Variants in COPA observed in about 807,000 individuals in gnomAD.
The protein encoded by COPA is coat protein complex I subunit alpha, also known as coatomer subunit alpha.
A neutral mutation model predicts 158.7 loss-of-function variants in COPA; 10 were observed. That is an observed-to-expected ratio of 0.06 (90% confidence interval 0.04 to 0.11). The LOEUF (loss-of-function observed/expected upper bound fraction) is 0.11, where lower values mean the gene tolerates loss of function less well. Among genes scored for constraint, COPA ranks in the 10% least tolerant of loss-of-function variants. The probability of loss-of-function intolerance (pLI) is 1.00; values close to 1 mark genes in which losing one functional copy is unlikely to be tolerated. For missense variants in COPA, 1,065 were observed against 1,536.7 expected (o/e 0.69, Z 5.13); for synonymous variants, 462 against 542.8 (o/e 0.85, Z 2.07).
chr1:160,314,775 G>T (rs1659081010), intron 8 of COPA, among the ~76,000 whole-genome samples: 1 of 151,680 alleles, frequency 6.6e-6, no homozygotes, highest in South Asian at 2.1e-4. Flanking sequence ...TGCCATTTTA[G>T]AACAAATATG....
At chr1:160,293,286 T>G in intron 26 of COPA, 52 bp from the exon 27 acceptor site, 1 of 1,612,504 alleles carries the variant, frequency 6.2e-7, no homozygotes, top group Non-Finnish European at 8.5e-7. Flanking sequence ...CCCTTCTCTA[T>G]TCTCCTCTGT....
chr1:160,293,073 G>A, intron 27 of COPA, 93 bp downstream of exon 27: 4 of 1,239,126 alleles, frequency 3.2e-6, no homozygotes, highest in Non-Finnish European at 4.7e-6. Context: ...TTCCCCTTAT[G>A]GGTAGGATAA....
Position 160,291,947 on chromosome 1 carries a change from G to A in COPA, c.3148-18C>T. 1.2e-6 allele frequency: 2 copies of A among 1,614,174 alleles called. No homozygotes were observed. The highest frequency in any genetic ancestry group is 8.5e-7 in the Non-Finnish European group (1 of 1,180,034). On this transcript the variant is annotated intron_variant, in intron 29 of 32. Transcript: ENST00000241704. ...TGCTGGGCCTGTAGAGGGGGCAGAA[G>A]GTCAGGATACAGAGACAAGAATGTG... is the stretch of plus-strand genomic sequence containing the variant.
rs556759725 is a variant in COPA, at chr1:160,309,869, G to A, written c.1143+323C>T. Among the ~76,000 whole-genome samples the A allele has an allele frequency of 3.3e-5, 5 of 151,646 alleles. No homozygotes were observed. The South Asian group carries it at 1.0e-3, about 32-fold the overall frequency. ...GTTCTTCTATTTTCACCCAAAGGAAGGGATCAAGGTAAACATTTTCTTTCC... is the reference window on the plus strand; with the variant it reads ...GTTCTTCTATTTTCACCCAAAGGAAAGGATCAAGGTAAACATTTTCTTTCC... On this transcript the variant is annotated intron_variant, in intron 12 of 32. Coordinates refer to ENST00000241704, the MANE Select transcript of COPA (RefSeq NM_004371.4).
intron 9 of COPA, 53 bp from the exon 10 acceptor site, chr1:160,313,220 C>T: frequency 6.7e-7 from 1 of 1,499,174 alleles, no homozygotes; most frequent in Non-Finnish European, 9.3e-7. Flanking sequence ...ATCTTCAGCC[C>T]ATCCTACACA....
intron 11 of COPA, 110 bp from the exon 12 acceptor site, chr1:160,310,368 C>T (rs1658924231): frequency 9.6e-6 from 5 of 521,688 alleles, no homozygotes; most frequent in Non-Finnish European, 6.8e-6. Context: ...ACTATATACT[C>T]ATCACTTTTA....
intron 8 of COPA, among the ~76,000 whole-genome samples, chr1:160,319,360 C>G (rs1004912546): frequency 6.6e-6 from 1 of 151,490 alleles, no homozygotes; most frequent in Non-Finnish European, 1.5e-5. Flanking sequence ...TCTGTGCACC[C>G]AACACCAAAG....
chr1:160,323,484 G>T lies in COPA; in HGVS notation c.653C>A (p.Pro218His), dbSNP rs967646112. Residue 218 changes from proline to histidine, a missense_variant, in exon 8 of 33, where the codon CCC becomes CAC. Physicochemically the swap from Pro to His is moderately conservative, Grantham distance 77. This residue lies in a region of COPA where 980 missense variants were observed against 1,357.8 expected (regional missense o/e 0.72). Coordinates refer to ENST00000241704, the MANE Select transcript of COPA (RefSeq NM_004371.4). ...ATCATCTGCCCCAGATACAATAAGGGGCATAGTGGGGTGGAAGGCAGCCCA... is the reference window on the plus strand; with the variant it reads ...ATCATCTGCCCCAGATACAATAAGGTGCATAGTGGGGTGGAAGGCAGCCCA... ...VNWAAFHPTMPLIVSGADDRQ... is the reference protein window; with the variant it reads ...VNWAAFHPTMHLIVSGADDRQ... 2.5e-6 allele frequency: 4 copies of T among 1,610,686 alleles called. No individual in the cohort carries two copies. Among genetic ancestry groups the T allele is most frequent in the Non-Finnish European group, 3.4e-6 (4 of 1,177,990 alleles).
rs182015070 is a variant in COPA at position 160,313,276 on chromosome 1, G to A, written c.843-109C>T. On this transcript the variant is annotated intron_variant, in intron 9 of 32. Transcript: ENST00000241704. ...AGCAAGCTGATTAAAATGTAAATCAGGGAGAGTAAACTGCATATCCTAAGT... is the reference window on the plus strand; with the variant it reads ...AGCAAGCTGATTAAAATGTAAATCAAGGAGAGTAAACTGCATATCCTAAGT... 35 of 964,952 alleles carry A rather than the reference G, an allele frequency of 3.6e-5. No individual in the cohort carries two copies. In the Admixed American group the frequency reaches 4.4e-4, roughly 12 times the overall value. The allele number at this position is 964,952 out of a possible 1,614,324, so 59.8% of individuals were successfully genotyped here.
chr1:160,318,468 TAAAAAAAAAAAAAAAAAAAAAAACAAA>T (rs746048726), intron 8 of COPA, among the ~76,000 whole-genome samples: 1 of 15,670 alleles, frequency 6.4e-5, no homozygotes, highest in South Asian at 2.5e-3. Context: ...ACAATATTTG[TAAAAAAAAAAAAAAAAAAAAAAACAAA>T]AAAAAAAAAA....
At chr1:160,336,820 A>G (rs1647785042) in intron 3 of COPA, among the ~76,000 whole-genome samples, 1 of 152,162 alleles carries the variant, frequency 6.6e-6, no homozygotes, top group Non-Finnish European at 1.5e-5. Flanking sequence ...TTCATTTCCT[A>G]TAACAAGTCC....
chr1:160,293,556 A>G (rs905297056), intron 25 of COPA, 93 bp from the exon 26 acceptor site: 3 of 977,850 alleles, frequency 3.1e-6, no homozygotes, highest in Admixed American at 2.9e-5. Context: ...GTACAGAGGC[A>G]TGATCTCGGC....
At chr1:160,323,247 A>G (rs1264822794) in intron 8 of COPA, among the ~76,000 whole-genome samples, 184 bp downstream of exon 8, 2 of 152,154 alleles carry the variant, frequency 1.3e-5, no homozygotes, top group African/African-American at 4.8e-5. Context: ...TTACCACTTA[A>G]CTGTACACAT....
chr1:160,328,152 C>T (rs1647345450), intron 6 of COPA, among the ~76,000 whole-genome samples: 1 of 152,158 alleles, frequency 6.6e-6, no homozygotes, highest in African/African-American at 2.4e-5. Context: ...TACTTTATCG[C>T]TGGGATGCCT....
chr1:160,316,249 T>C (rs1279916946), intron 8 of COPA, among the ~76,000 whole-genome samples: 2 of 151,708 alleles, frequency 1.3e-5, no homozygotes, highest in Non-Finnish European at 2.9e-5. Context: ...TACCAGCTAC[T>C]TGGGAGGCTG....
intron 9 of COPA, 31 bp downstream of exon 9, chr1:160,313,959 A>G: frequency 6.5e-7 from 1 of 1,548,468 alleles, no homozygotes; most frequent in Non-Finnish European, 8.7e-7. Flanking sequence ...AGAGTAAGAG[A>G]AAGTTCACAC....
In COPA at chr1:160,299,032, C is replaced by A. The variant is rs778916761; in HGVS notation, c.1831-41G>T. Reference sequence around the variant, plus strand: ...GGAGTCGGGCAAGAAGTAGACATCACTTACAGGAAAAGAAAAAAAAAAAGA... The same window carrying A: ...GGAGTCGGGCAAGAAGTAGACATCAATTACAGGAAAAGAAAAAAAAAAAGA... On this transcript the variant is annotated intron_variant, in intron 18 of 32. Transcript: ENST00000241704. 3 of 1,606,804 alleles carry A rather than the reference C, an allele frequency of 1.9e-6. No homozygotes were observed. The African/African-American group carries it at 4.0e-5, about 22-fold the overall frequency.
At chr1:160,313,629 T>C (rs572250119) in intron 9 of COPA, among the ~76,000 whole-genome samples, 1 of 152,104 alleles carries the variant, frequency 6.6e-6, no homozygotes, top group South Asian at 2.1e-4. Flanking sequence ...TTAGCCAGGA[T>C]GGTCTCAATC....
chr1:160,299,347 T>G, intron 17 of COPA, 83 bp from the exon 18 acceptor site: 1 of 1,347,550 alleles, frequency 7.4e-7, no homozygotes, highest in Non-Finnish European at 1.0e-6. Context: ...GGAAACGGTC[T>G]TTTGTCAAGT....
Sources: allele counts gnomAD v4.1 joint callset (sites outside exome capture counted in the v4.1 genomes callset), GRCh38; gene constraint gnomAD v4.1.1; regional missense constraint gnomAD v4.1.1; transcripts MANE v1.5; gene names NCBI Gene and HGNC (gene_info 2026-07-23, HGNC 2026-07-21).